B3GALT1: variants seen among roughly 807,000 people sequenced by gnomAD.
B3GALT1 encodes the protein UDP-Gal:betaGlcNAc beta 1,3-galactosyltransferase, polypeptide 1.
B3GALT1 carries 10 observed loss-of-function variants against 23.2 expected under a neutral mutation model. The observed-to-expected ratio is 0.43, with a 90% CI of 0.27 to 0.73. The LOEUF is 0.73. B3GALT1 is among the 30% of genes least tolerant of loss of function. B3GALT1 has a pLI of 0.21. For missense variants in B3GALT1, 299 were observed against 405.4 expected (o/e 0.74, Z 2.25); for synonymous variants, 156 against 141.5 (o/e 1.10, Z -0.73).
At chr2:167,462,304 C>G (rs79040823) in intron 1 of B3GALT1, among the ~76,000 whole-genome samples, 41 of 152,196 alleles carry the variant, frequency 2.7e-4, no homozygotes, top group African/African-American at 8.7e-4. Context: ...CTCTCAAGAG[C>G]TGATATAAAC....
chr2:167,406,985 T>C (rs1012904811), intron 1 of B3GALT1, among the ~76,000 whole-genome samples: 2 of 152,190 alleles, frequency 1.3e-5, no homozygotes, highest in African/African-American at 4.8e-5. Context: ...ATACCCTATC[T>C]AATAGGCCAA....
chr2:167,696,547 A>C (rs1686794781), intron 3 of B3GALT1, among the ~76,000 whole-genome samples: 1 of 152,154 alleles, frequency 6.6e-6, no homozygotes, highest in South Asian at 2.1e-4. Flanking sequence ...GGTCTGCCCT[A>C]GTTTCCTATG....
At chr2:167,744,220 A>G (rs758688938) in intron 3 of B3GALT1, among the ~76,000 whole-genome samples, 71 of 152,316 alleles carry the variant, frequency 4.7e-4, no homozygotes, top group Middle Eastern at 3.4e-3. Context: ...GCAGGAGTCA[A>G]TAAATCAAGC....
chr2:167,688,701 G>C (rs1686658159), intron 3 of B3GALT1, among the ~76,000 whole-genome samples: 1 of 151,884 alleles, frequency 6.6e-6, no homozygotes, highest in African/African-American at 2.4e-5. Flanking sequence ...CAGAGTCTTA[G>C]AACTAGAGAA....
chr2:167,690,662 T>C (rs929235742), intron 3 of B3GALT1, among the ~76,000 whole-genome samples: 1 of 152,164 alleles, frequency 6.6e-6, no homozygotes, highest in Non-Finnish European at 1.5e-5. Flanking sequence ...CTTTCTGTTA[T>C]TTACAAGAGC....
chr2:167,587,883 G>A (rs1615054), intron 2 of B3GALT1, among the ~76,000 whole-genome samples: 43,406 of 152,070 alleles, frequency 0.29, 7,226 homozygotes, highest in African/African-American at 0.46. Flanking sequence ...TGGAGAGACA[G>A]TCTTAACTAA....
chr2:167,820,536 C>T (rs759569150), intron 4 of B3GALT1, among the ~76,000 whole-genome samples: 3 of 152,174 alleles, frequency 2.0e-5, no homozygotes, highest in Non-Finnish European at 4.4e-5. Context: ...TGATGTGGCT[C>T]AAGGTGTGGT....
chr2:167,791,703 G>A (rs1688440300), intron 3 of B3GALT1, among the ~76,000 whole-genome samples: 1 of 152,130 alleles, frequency 6.6e-6, no homozygotes, highest in Non-Finnish European at 1.5e-5. Flanking sequence ...CATAAAGTGA[G>A]CATAGATCAA....
At chr2:167,707,576 A>G (rs1686984861) in intron 3 of B3GALT1, among the ~76,000 whole-genome samples, 1 of 152,088 alleles carries the variant, frequency 6.6e-6, no homozygotes, top group South Asian at 2.1e-4. Context: ...CCATCTTGAA[A>G]ACCAGAAATG....
intron 2 of B3GALT1, among the ~76,000 whole-genome samples, chr2:167,601,356 C>T (rs899312851): frequency 6.6e-6 from 1 of 152,196 alleles, no homozygotes; most frequent in African/African-American, 2.4e-5. Flanking sequence ...CTAGATCCTC[C>T]TTTAGAGTTG....
At chr2:167,582,180 A>G (rs766610671) in intron 2 of B3GALT1, among the ~76,000 whole-genome samples, 5 of 152,182 alleles carry the variant, frequency 3.3e-5, no homozygotes, top group Non-Finnish European at 5.9e-5. Flanking sequence ...TGACCAGTTT[A>G]ATTATCTTGG....
chr2:167,563,239 C>G (rs1180483118), intron 2 of B3GALT1, among the ~76,000 whole-genome samples: 1 of 148,558 alleles, frequency 6.7e-6, no homozygotes, highest in Admixed American at 6.6e-5. Context: ...GGCAGAGGCG[C>G]CCCCCACCTC....
At chr2:167,562,298 G>C (rs958370750) in intron 2 of B3GALT1, among the ~76,000 whole-genome samples, 2 of 152,120 alleles carry the variant, frequency 1.3e-5, no homozygotes, top group Admixed American at 1.3e-4. Context: ...GTATTGATGG[G>C]ACATATCTCA....
intron 1 of B3GALT1, among the ~76,000 whole-genome samples, chr2:167,353,624 CTTT>C (rs1697354465): frequency 6.6e-6 from 1 of 152,012 alleles, no homozygotes; most frequent in African/African-American, 2.4e-5. Context: ...AGGGATAATA[CTTT>C]TTATTATGTA....
Position 167,743,917 on chromosome 2 carries a change from A to G in B3GALT1, c.-351-74755A>G, listed in dbSNP as rs138268484. 2.3e-4 allele frequency among the ~76,000 whole-genome samples: 35 copies of G among 152,226 alleles called. 1 individual carries two copies. Among genetic ancestry groups the G allele is most frequent in the African/African-American group, 8.2e-4 (34 of 41,568 alleles). The stretch of plus-strand genomic sequence containing the variant: ...TCCTAATTTGATGGCTTAGCTACAA[A>G]CATTTAAGACTGCAAAATTTTATTG... On this transcript the variant is annotated intron_variant, in intron 3 of 4. Transcript: ENST00000392690.
At chr2:167,349,982 T>C (rs1219590557) in intron 1 of B3GALT1, among the ~76,000 whole-genome samples, 3 of 152,212 alleles carry the variant, frequency 2.0e-5, no homozygotes, top group Non-Finnish European at 4.4e-5. Flanking sequence ...GAACTCCAGT[T>C]ATAAAATACG....
chr2:167,318,808 C>T (rs1374978637), intron 1 of B3GALT1, among the ~76,000 whole-genome samples: 1 of 152,012 alleles, frequency 6.6e-6, no homozygotes, highest in Non-Finnish European at 1.5e-5. Flanking sequence ...CCTATAGACT[C>T]CTGCTATACA....
chr2:167,356,038 T>C (rs1311157669), intron 1 of B3GALT1, among the ~76,000 whole-genome samples: 1 of 152,190 alleles, frequency 6.6e-6, no homozygotes, highest in African/African-American at 2.4e-5. Flanking sequence ...TATCAAGTTC[T>C]TCAAGGAAAA....
rs566662360 is a variant in B3GALT1 at position 167,342,320 on chromosome 2, G to A, written c.-511+48986G>A. 3.9e-5 allele frequency among the ~76,000 whole-genome samples: 6 copies of A among 152,306 alleles called. No homozygotes were observed. In the South Asian group the frequency reaches 1.2e-3, roughly 32 times the overall value. Reference sequence around the variant, plus strand: ...AAAGCAACTCAGACTGGATGCAGTGGCTCACGCCTGTAATCCTAGCACTTT... The same window carrying A: ...AAAGCAACTCAGACTGGATGCAGTGACTCACGCCTGTAATCCTAGCACTTT... On this transcript the variant is annotated intron_variant, in intron 1 of 4. Transcript: ENST00000392690.
Sources: allele counts gnomAD v4.1 joint callset (sites outside exome capture counted in the v4.1 genomes callset), GRCh38; gene constraint gnomAD v4.1.1; transcripts MANE v1.5; gene names NCBI Gene and HGNC (gene_info 2026-07-23, HGNC 2026-07-21).